Variants in SDCCAG8 observed in about 807,000 individuals in gnomAD.
The protein encoded by SDCCAG8 is SHH signaling and ciliogenesis regulator SDCCAG8.
In SDCCAG8, 74 loss-of-function variants were observed where a neutral mutation model predicts 101.8. The observed-to-expected ratio is 0.73, with a 90% CI of 0.60 to 0.88. The LOEUF is 0.88. Ranked by LOEUF, SDCCAG8 falls within the 40% of genes least tolerant of loss-of-function variation. The pLI is 0.00. For missense variants in SDCCAG8, 787 were observed against 822.6 expected, an observed-to-expected ratio of 0.96 and a Z score of 0.53; for synonymous variants, 281 against 292.9, an observed-to-expected ratio of 0.96 and a Z score of 0.41.
At position 243,378,764 on chromosome 1, in the gene SDCCAG8, A is replaced by G. The variant is rs745351109; in HGVS notation, c.1517A>G (p.His506Arg). The part of the protein sequence containing the change: ...LRIELDESKQ[H>R]LEQEQQKAAL... ...ATAGAACTGGATGAAAGCAAACAACACTTGGAACAGGAGCAGCAGAAGGCA... is the reference window on the plus strand; with the variant it reads ...ATAGAACTGGATGAAAGCAAACAACGCTTGGAACAGGAGCAGCAGAAGGCA... The change falls in exon 13 of 18, where the codon CAC (histidine) becomes CGC (arginine). Residue 506 changes from histidine to arginine, a missense_variant. By Grantham distance (29) the His-to-Arg change is conservative (BLOSUM62 0). Transcript: ENST00000366541. 3 of 1,614,100 alleles carry G rather than the reference A, an allele frequency of 1.9e-6. No individual in the cohort carries two copies. Among genetic ancestry groups the G allele is most frequent in the South Asian group, 2.2e-5 (2 of 91,084 alleles).
At chr1:243,281,036 A>C (rs2068988528) in intron 4 of SDCCAG8, among the ~76,000 whole-genome samples, 1 of 152,148 alleles carries the variant, frequency 6.6e-6, no homozygotes, top group East Asian at 1.9e-4. Flanking sequence ...CCTTTGCCTC[A>C]TACATTTTGA....
chr1:243,459,661 G>A (rs1658647738), intron 16 of SDCCAG8, among the ~76,000 whole-genome samples: 2 of 152,324 alleles, frequency 1.3e-5, no homozygotes, highest in South Asian at 4.1e-4. Flanking sequence ...AGGTTGGAGT[G>A]CAGTGGCACA....
At chr1:243,266,964 G>T (rs766684787) in intron 1 of SDCCAG8, among the ~76,000 whole-genome samples, 2 of 111,942 alleles carry the variant, frequency 1.8e-5, no homozygotes, top group Admixed American at 8.9e-5. Context: ...AAAAAAAAAT[G>T]CTGGGCGCGG....
intron 9 of SDCCAG8, chr1:243,317,990 T>C (rs1166360466): frequency 2.2e-6 from 1 of 455,262 alleles, no homozygotes; most frequent in Non-Finnish European, 4.4e-6. Context: ...CAGAGGAATA[T>C]AAATCATTCT....
intron 9 of SDCCAG8, among the ~76,000 whole-genome samples, chr1:243,317,141 C>G (rs563410283): frequency 6.6e-6 from 1 of 152,176 alleles, no homozygotes; most frequent in East Asian, 1.9e-4. Context: ...TTTGAGAGAC[C>G]TATATGCTTA....
chr1:243,367,005 A>G (rs772025261), intron 12 of SDCCAG8, among the ~76,000 whole-genome samples: 1 of 152,078 alleles, frequency 6.6e-6, no homozygotes, highest in Non-Finnish European at 1.5e-5. Context: ...ATAAATTAAC[A>G]GTTTGCTTTC....
At chr1:243,433,375 A>C (rs923773383) in intron 16 of SDCCAG8, among the ~76,000 whole-genome samples, 7 of 150,192 alleles carry the variant, frequency 4.7e-5, no homozygotes, top group Non-Finnish European at 1.0e-4. Context: ...AAAAAAAAAA[A>C]GGATATACTC....
intron 16 of SDCCAG8, among the ~76,000 whole-genome samples, chr1:243,470,521 G>A (rs1188408002): frequency 1.3e-5 from 2 of 150,508 alleles, no homozygotes; most frequent in Non-Finnish European, 3.0e-5. Context: ...GTCTCACTGG[G>A]GGCTGGATTC....
At chr1:243,344,159 A>G (rs1335614745) in intron 11 of SDCCAG8, 56 bp from the exon 12 acceptor site, 1 of 1,383,802 alleles carries the variant, frequency 7.2e-7, no homozygotes, top group Non-Finnish European at 1.0e-6. Flanking sequence ...ATCTAATTGC[A>G]GGCATTGCCT....
chr1:243,391,705 G>T (rs1294269637), intron 13 of SDCCAG8, among the ~76,000 whole-genome samples: 1 of 152,228 alleles, frequency 6.6e-6, no homozygotes, highest in Non-Finnish European at 1.5e-5. Context: ...ACTTCAAGAA[G>T]CCTATTCCTG....
At chr1:243,381,863 A>T (rs2077977887) in intron 13 of SDCCAG8, among the ~76,000 whole-genome samples, 1 of 152,212 alleles carries the variant, frequency 6.6e-6, no homozygotes, top group African/African-American at 2.4e-5. Flanking sequence ...GCACATAGGG[A>T]GGGGGATTGG....
intron 14 of SDCCAG8, among the ~76,000 whole-genome samples, chr1:243,417,748 GA>G (rs2080695393): frequency 6.6e-6 from 1 of 152,146 alleles, no homozygotes; most frequent in Non-Finnish European, 1.5e-5. Flanking sequence ...CTGGTATGAT[GA>G]AAAATGTTTC....
intron 16 of SDCCAG8, among the ~76,000 whole-genome samples, chr1:243,476,948 A>G (rs1662526103): frequency 6.6e-6 from 1 of 152,240 alleles, no homozygotes; most frequent in South Asian, 2.1e-4. Flanking sequence ...ACACTGTAGC[A>G]TATAAGATAA....
At chr1:243,284,761 G>T (rs2069428464) in intron 4 of SDCCAG8, among the ~76,000 whole-genome samples, 1 of 152,206 alleles carries the variant, frequency 6.6e-6, no homozygotes, top group South Asian at 2.1e-4. Context: ...CAAACTGGCT[G>T]CTTTTCTTCT....
intron 3 of SDCCAG8, among the ~76,000 whole-genome samples, chr1:243,272,535 C>G (rs577056075): frequency 6.6e-6 from 1 of 152,152 alleles, no homozygotes; most frequent in South Asian, 2.1e-4. Context: ...GCTTTTAAAT[C>G]TACTAGATGA....
chr1:243,294,174 T>C (rs991514382), intron 6 of SDCCAG8, among the ~76,000 whole-genome samples: 2 of 152,218 alleles, frequency 1.3e-5, no homozygotes, highest in Admixed American at 1.3e-4. Flanking sequence ...CATGTTTTCC[T>C]GTTTCCTTGT....
Position 243,264,308 on chromosome 1 carries a change from T to A in SDCCAG8, c.68-5797T>A, listed in dbSNP as rs117576876. On this transcript the variant is annotated intron_variant, in intron 1 of 17. Coordinates refer to ENST00000366541, the MANE Select transcript of SDCCAG8 (RefSeq NM_006642.5). Reference sequence around the variant, plus strand: ...GTTAGAACATAGGAAGTAGGGAAACTCTTACTAAGAAAATGGACAATACAG... The same window carrying A: ...GTTAGAACATAGGAAGTAGGGAAACACTTACTAAGAAAATGGACAATACAG... Among the ~76,000 whole-genome samples the A allele has an allele frequency of 2.4e-3, 364 of 152,210 alleles. 5 individuals carry two copies. In the East Asian group the frequency reaches 0.037, roughly 15 times the overall value.
At chr1:243,431,826 A>G (rs1359563715) in intron 16 of SDCCAG8, among the ~76,000 whole-genome samples, 1 of 152,192 alleles carries the variant, frequency 6.6e-6, no homozygotes, top group Non-Finnish European at 1.5e-5. Flanking sequence ...ACCGACTCCC[A>G]GTAATCCCGG....
At chr1:243,274,950 C>G (rs2068414766) in intron 4 of SDCCAG8, among the ~76,000 whole-genome samples, 1 of 152,196 alleles carries the variant, frequency 6.6e-6, no homozygotes, top group South Asian at 2.1e-4. Flanking sequence ...CTTGCTGTAG[C>G]CCAGCAAATG....
Sources: gnomAD v4.1 joint callset for allele counts (sites outside exome capture counted in the v4.1 genomes callset) on GRCh38, gnomAD v4.1.1 for gene constraint, MANE v1.5 for transcripts, NCBI Gene and HGNC (gene_info 2026-07-23, HGNC 2026-07-21) for gene names.